The following CNTN3 variants were observed in gnomAD, a reference collection of about 807,000 sequenced individuals.
CNTN3 encodes the protein contactin-3.
Under a neutral mutation model 119.1 loss-of-function variants are expected in CNTN3, and 60 were observed. That is an observed-to-expected ratio of 0.50 (90% confidence interval 0.41 to 0.62). The LOEUF (loss-of-function observed/expected upper bound fraction) is 0.62. CNTN3 is among the 20% of genes least tolerant of loss of function. The pLI is 0.00. For missense variants in CNTN3, 1,101 were observed against 1,242.4 expected, an observed-to-expected ratio of 0.89 and a Z score of 1.71; for synonymous variants, 450 against 438.7, an observed-to-expected ratio of 1.03 and a Z score of -0.32.
At chr3:74,340,895 A>G (rs751293668) in intron 11 of CNTN3, among the ~76,000 whole-genome samples, 12 of 152,170 alleles carry the variant, frequency 7.9e-5, no homozygotes, top group Non-Finnish European at 1.6e-4. Flanking sequence ...TCTTCTATGC[A>G]ATGAATTAGT....
At chr3:74,327,425 G>A (rs1271005319) in intron 13 of CNTN3, among the ~76,000 whole-genome samples, 1 of 152,094 alleles carries the variant, frequency 6.6e-6, no homozygotes, top group Non-Finnish European at 1.5e-5. Flanking sequence ...ACCATGCCTG[G>A]AAGGGTTAAT....
intron 11 of CNTN3, among the ~76,000 whole-genome samples, chr3:74,339,936 T>C (rs1308839182): frequency 1.6e-5 from 2 of 127,644 alleles, no homozygotes; most frequent in Non-Finnish European, 1.7e-5. Context: ...GATAGATAGA[T>C]AGATAGCCAG....
chr3:74,591,825 T>A lies in CNTN3; in HGVS notation c.-81+22566A>T, dbSNP rs76477377. 6.3e-3 allele frequency among the ~76,000 whole-genome samples: 958 copies of A among 151,890 alleles called. 6 individuals are homozygous for A. Among genetic ancestry groups the A allele is most frequent in the Non-Finnish European group, 9.4e-3 (639 of 67,908 alleles). On this transcript the variant is annotated intron_variant, in intron 1 of 22. Transcript: ENST00000263665. ...TTGAGTTGAAATCAAGAGCGAGACA[T>A]TCAGATGGAAATAGTGGGCCTTGGT...
intron 3 of CNTN3, among the ~76,000 whole-genome samples, chr3:74,490,639 G>A (rs1296508511): frequency 3.9e-5 from 6 of 152,120 alleles, no homozygotes; most frequent in African/African-American, 1.4e-4. Flanking sequence ...TCATCCTTAT[G>A]TTTTGACTGA....
At chr3:74,528,393 CT>C (rs1703649698) in intron 1 of CNTN3, among the ~76,000 whole-genome samples, 1 of 151,882 alleles carries the variant, frequency 6.6e-6, no homozygotes, top group Non-Finnish European at 1.5e-5. Context: ...ATAATACTAA[CT>C]TTTATGGAGT....
intron 1 of CNTN3, among the ~76,000 whole-genome samples, chr3:74,576,020 G>A (rs1250188420): frequency 6.6e-6 from 1 of 152,094 alleles, no homozygotes; most frequent in African/African-American, 2.4e-5. Flanking sequence ...CTCTTCAGAA[G>A]AGTCTGCCTC....
intron 4 of CNTN3, among the ~76,000 whole-genome samples, chr3:74,478,487 T>C (rs1383077366): frequency 7.9e-5 from 12 of 152,144 alleles, no homozygotes; most frequent in Non-Finnish European, 1.5e-5. Context: ...CACTGGATTC[T>C]GCAATCCCCC....
At chr3:74,570,212 A>G (rs1405290393) in intron 1 of CNTN3, among the ~76,000 whole-genome samples, 1 of 152,034 alleles carries the variant, frequency 6.6e-6, no homozygotes. Flanking sequence ...AGACATGTAT[A>G]TGGAGGGGGA....
At chr3:74,549,836 T>A (rs967102793) in intron 1 of CNTN3, among the ~76,000 whole-genome samples, 1 of 152,188 alleles carries the variant, frequency 6.6e-6, no homozygotes, top group Non-Finnish European at 1.5e-5. Flanking sequence ...AAATGCATTG[T>A]AGAGTTTCTC....
chr3:74,455,108 A>C (rs909431030), intron 4 of CNTN3, among the ~76,000 whole-genome samples: 3 of 152,052 alleles, frequency 2.0e-5, no homozygotes, highest in African/African-American at 7.2e-5. Context: ...GTGTTTTCCA[A>C]CTTGGTTCCA....
intron 1 of CNTN3, among the ~76,000 whole-genome samples, chr3:74,581,160 A>G (rs766850527): frequency 6.6e-6 from 1 of 152,220 alleles, no homozygotes; most frequent in Non-Finnish European, 1.5e-5. Context: ...TAAGAAAATA[A>G]AAGGCATTCA....
intron 1 of CNTN3, among the ~76,000 whole-genome samples, chr3:74,562,086 C>T (rs997839082): frequency 1.3e-5 from 2 of 152,024 alleles, no homozygotes; most frequent in African/African-American, 2.4e-5. Flanking sequence ...CCCTTGGGAC[C>T]GAGACTCCAT....
chr3:74,266,384 TG>T, intron 22 of CNTN3, 96 bp downstream of exon 22: 1 of 1,267,222 alleles, frequency 7.9e-7, no homozygotes, highest in Non-Finnish European at 1.1e-6. Flanking sequence ...TAAGCCTTGC[TG>T]GAAAGAAAGA....
rs79079075 is a variant in CNTN3 at position 74,424,684 on chromosome 3, T to C, written c.454+161A>G. Among the ~76,000 whole-genome samples the C allele has an allele frequency of 1.9e-3, 288 of 152,352 alleles. 1 individual carries two copies. The highest frequency in any genetic ancestry group is 6.6e-3 in the African/African-American group (276 of 41,582). ...TTTAGAAACCTCTCTGGATGGACTATTTTTTGTAGTGTTCCTCATATTCCA... is the reference window on the plus strand; with the variant it reads ...TTTAGAAACCTCTCTGGATGGACTACTTTTTGTAGTGTTCCTCATATTCCA... On this transcript the variant is annotated intron_variant, in intron 5 of 22. Coordinates refer to ENST00000263665, the MANE Select transcript of CNTN3 (RefSeq NM_020872.3).
At chr3:74,285,613 G>C in intron 19 of CNTN3, 122 bp from the exon 20 acceptor site, 1 of 956,540 alleles carries the variant, frequency 1.0e-6, no homozygotes, top group Non-Finnish European at 1.6e-6. Context: ...ATTTACTGAA[G>C]ACCTACTATG....
rs526583 is a variant in CNTN3 at position 74,285,680 on chromosome 3, C to A, written c.2518-189G>T. ...GCAGTGAAGATAGAGAAAAGGGACTCTAGGAGGAGAAAAATAATGAACAAA... is the reference window on the plus strand; with the variant it reads ...GCAGTGAAGATAGAGAAAAGGGACTATAGGAGGAGAAAAATAATGAACAAA... On this transcript the variant is annotated intron_variant, in intron 19 of 22. Transcript: ENST00000263665. Among the ~76,000 whole-genome samples, 16,926 of 149,968 alleles carry A rather than the reference C, an allele frequency of 0.11. 995 individuals are homozygous for A. Among genetic ancestry groups the A allele is most frequent in the East Asian group, 0.15 (754 of 4,980 alleles).
chr3:74,606,758 T>C (rs2197733), intron 1 of CNTN3, among the ~76,000 whole-genome samples: 35,328 of 152,024 alleles, frequency 0.23, 7,191 homozygotes, highest in African/African-American at 0.54. Context: ...CACTTGTAAG[T>C]ATCTTCATAG....
intron 19 of CNTN3, among the ~76,000 whole-genome samples, chr3:74,287,341 GA>G (rs1461234851): frequency 6.6e-6 from 1 of 152,082 alleles, no homozygotes; most frequent in Non-Finnish European, 1.5e-5. Flanking sequence ...TTCCTATTGT[GA>G]AGAGTCCTTA....
chr3:74,286,336 T>C lies in CNTN3; in HGVS notation c.2518-845A>G, dbSNP rs192715496. On this transcript the variant is annotated intron_variant, in intron 19 of 22. Transcript: ENST00000263665. ...GATCTGAAACAAATTTTAAAATAAC[T>C]GTTTAACATGTCTAGATTTACTAAA... Among the ~76,000 whole-genome samples the C allele has an allele frequency of 3.2e-3, 481 of 152,232 alleles. 12 individuals carry two copies. The highest frequency in any genetic ancestry group is 0.029 in the Admixed American group (439 of 15,268).
Sources: allele counts gnomAD v4.1 joint callset (sites outside exome capture counted in the v4.1 genomes callset), GRCh38; gene constraint gnomAD v4.1.1; transcripts MANE v1.5; gene names NCBI Gene and HGNC (gene_info 2026-07-23, HGNC 2026-07-21).